Variants in EPS15 observed in about 807,000 individuals in gnomAD.
The protein encoded by EPS15 is epidermal growth factor receptor pathway substrate 15, also known as epidermal growth factor receptor substrate 15.
In EPS15, 72 loss-of-function variants were observed where a neutral mutation model predicts 113.8. The ratio of observed to expected loss-of-function variants is 0.63; its 90% CI spans 0.52 to 0.77. The LOEUF (loss-of-function observed/expected upper bound fraction) is 0.77. EPS15 is among the 30% of genes least tolerant of loss of function. The pLI, the probability that EPS15 is intolerant of heterozygous loss-of-function variation, is 0.00. For missense variants in EPS15, 1,048 were observed against 1,045.8 expected, an observed-to-expected ratio of 1.00 and a Z score of -0.03; for synonymous variants, 344 against 363.4, an observed-to-expected ratio of 0.95 and a Z score of 0.61.
rs771175589 is a variant in EPS15, at chr1:51,361,279, G to A, written c.2436C>T (p.Asn812=). ...LNDPFQPFPG[N]DSPKEKDPEI... is the part of the protein sequence containing the mutation. ...CAGGATCTTTTTCTTTGGGGCTATC[G>A]TTGCCTGGGAAAGGCTGAAATGGAT... The change falls in exon 24 of 25, where the codon AAC becomes AAT. Residue 812 remains asparagine (N), a synonymous_variant. Transcript: ENST00000371733. 1.9e-6 allele frequency: 3 copies of A among 1,613,588 alleles called. No homozygotes were observed. The highest frequency in any genetic ancestry group is 1.7e-5 in the Admixed American group (1 of 60,010).
rs1218655394 is a variant in EPS15, at chr1:51,354,850, T to A, written c.*1850A>T. 3.5e-5 allele frequency: 7 copies of A among 202,230 alleles called. No individual in the cohort carries two copies. The highest frequency in any genetic ancestry group is 6.1e-5 in the Non-Finnish European group (6 of 98,054). The allele number at this position is 202,230 out of a possible 1,614,324, so 12.5% of individuals were successfully genotyped here. A position where few individuals can be genotyped will look rare whatever the true frequency, so the allele number is the denominator to read the frequency against. ...AAAGTTGGTGTTTATAAGTTATAGA[T>A]ATTTAATATTTGAGTTTAATTGAAA... On this transcript the variant is annotated 3_prime_UTR_variant, in exon 25 of 25. Coordinates refer to ENST00000371733, the MANE Select transcript of EPS15 (RefSeq NM_001981.3).
At chr1:51,482,924 G>A (rs1346482766) in intron 1 of EPS15, among the ~76,000 whole-genome samples, 1 of 151,984 alleles carries the variant, frequency 6.6e-6, no homozygotes, top group Non-Finnish European at 1.5e-5. Flanking sequence ...CATAAAATGT[G>A]TACACACACA....
intron 21 of EPS15, among the ~76,000 whole-genome samples, chr1:51,367,853 C>T (rs966913798): frequency 5.3e-5 from 8 of 152,338 alleles, no homozygotes; most frequent in South Asian, 4.1e-4. Flanking sequence ...CTCCTCAGGC[C>T]GGGCACAGTG....
chr1:51,380,734 A>C (rs1448006968), intron 21 of EPS15, among the ~76,000 whole-genome samples: 2 of 152,230 alleles, frequency 1.3e-5, no homozygotes, highest in Non-Finnish European at 2.9e-5. Flanking sequence ...TAAACTCTCT[A>C]ATGAAAAGAC....
chr1:51,480,592 G>A (rs1644003258), intron 2 of EPS15, among the ~76,000 whole-genome samples: 1 of 152,172 alleles, frequency 6.6e-6, no homozygotes, highest in South Asian at 2.1e-4. Flanking sequence ...TTGGCTCACT[G>A]TAACCTCGCC....
At chr1:51,380,518 T>C (rs1294709023) in intron 21 of EPS15, among the ~76,000 whole-genome samples, 2 of 152,170 alleles carry the variant, frequency 1.3e-5, no homozygotes, top group Non-Finnish European at 2.9e-5. Flanking sequence ...TAGGATGTTT[T>C]GTGTAATCTC....
chr1:51,501,783 T>A (rs1180196789), intron 1 of EPS15, among the ~76,000 whole-genome samples: 2 of 152,038 alleles, frequency 1.3e-5, no homozygotes, highest in African/African-American at 4.8e-5. Flanking sequence ...CCTGCCACAT[T>A]ATTAATTTTA....
chr1:51,399,668 G>A (rs888959236), intron 19 of EPS15, among the ~76,000 whole-genome samples: 4 of 151,322 alleles, frequency 2.6e-5, no homozygotes, highest in South Asian at 4.2e-4. Flanking sequence ...AGACCGGCCT[G>A]GCTAACACAG....
At chr1:51,431,352 A>G (rs1048910832) in intron 12 of EPS15, among the ~76,000 whole-genome samples, 3 of 152,202 alleles carry the variant, frequency 2.0e-5, no homozygotes, top group African/African-American at 7.2e-5. Context: ...CAGAAAAAAT[A>G]CAAACTTTGG....
At chr1:51,377,091 AC>A (rs1412829603) in intron 21 of EPS15, among the ~76,000 whole-genome samples, 1 of 152,154 alleles carries the variant, frequency 6.6e-6, no homozygotes, top group Non-Finnish European at 1.5e-5. Context: ...ACACAGTGAA[AC>A]CCTGTCTCTA....
At chr1:51,390,297 C>G (rs942202610) in intron 21 of EPS15, among the ~76,000 whole-genome samples, 10 of 152,022 alleles carry the variant, frequency 6.6e-5, no homozygotes, top group Non-Finnish European at 1.3e-4. Context: ...TTCCTTACAC[C>G]TTATACAAAA....
intron 23 of EPS15, among the ~76,000 whole-genome samples, chr1:51,362,924 G>T (rs569882706): frequency 4.0e-4 from 61 of 152,228 alleles, no homozygotes; most frequent in African/African-American, 1.4e-3. Flanking sequence ...ACTTTCCTTT[G>T]TATAGTGCTA....
intron 21 of EPS15, among the ~76,000 whole-genome samples, chr1:51,391,257 T>C (rs1647325376): frequency 6.6e-6 from 1 of 151,958 alleles, no homozygotes; most frequent in Non-Finnish European, 1.5e-5. Context: ...AGGTGGGAAT[T>C]GAACAATGAG....
chr1:51,422,661 T>A (rs1650865979), intron 12 of EPS15, among the ~76,000 whole-genome samples: 1 of 152,248 alleles, frequency 6.6e-6, no homozygotes, highest in African/African-American at 2.4e-5. Flanking sequence ...AATAAAGCTG[T>A]CACTTTTGAT....
chr1:51,396,765 T>G (rs1647989894), intron 20 of EPS15, among the ~76,000 whole-genome samples: 1 of 152,154 alleles, frequency 6.6e-6, no homozygotes, highest in Non-Finnish European at 1.5e-5. Flanking sequence ...GTTTGATAAT[T>G]GGGGAGTTTA....
At chr1:51,488,989 A>G (rs1205445317) in intron 1 of EPS15, among the ~76,000 whole-genome samples, 1 of 152,100 alleles carries the variant, frequency 6.6e-6, no homozygotes, top group African/African-American at 2.4e-5. Flanking sequence ...GACGGAAAAC[A>G]TGGGAAAAAT....
At chr1:51,430,744 C>T (rs935677020) in intron 12 of EPS15, among the ~76,000 whole-genome samples, 1 of 151,756 alleles carries the variant, frequency 6.6e-6, no homozygotes, top group African/African-American at 2.4e-5. Context: ...CCACTTGAGC[C>T]AAGAGTTTGA....
At chr1:51,492,961 C>T (rs1644261811) in intron 1 of EPS15, among the ~76,000 whole-genome samples, 1 of 152,226 alleles carries the variant, frequency 6.6e-6, no homozygotes, top group African/African-American at 2.4e-5. Context: ...GGCGCGGTGG[C>T]TCACGCCTGT....
intron 1 of EPS15, among the ~76,000 whole-genome samples, chr1:51,498,828 T>C (rs553225493): frequency 6.6e-6 from 1 of 152,326 alleles, no homozygotes; most frequent in South Asian, 2.1e-4. Flanking sequence ...GTTTGAATGT[T>C]TGTGTCCCCA....
Sources: gnomAD v4.1 joint callset for allele counts (sites outside exome capture counted in the v4.1 genomes callset) on GRCh38, gnomAD v4.1.1 for gene constraint, MANE v1.5 for transcripts, NCBI Gene and HGNC (gene_info 2026-07-23, HGNC 2026-07-21) for gene names.